The following PDPK1 variants were observed in gnomAD, a reference collection of about 807,000 sequenced individuals.
PDPK1 encodes the protein 3-phosphoinositide-dependent protein kinase 1.
PDPK1 carries 7 observed loss-of-function variants against 39.8 expected under a neutral mutation model. That is an observed-to-expected ratio of 0.18 (90% CI 0.10 to 0.33). The LOEUF is 0.33. PDPK1 is among the 10% of genes least tolerant of loss of function. The pLI is 1.00. For synonymous variants in PDPK1, 118 were observed against 159.1 expected (o/e 0.74, Z 1.95); for missense variants, 182 against 384.7 (o/e 0.47, Z 4.41).
intron 1 of PDPK1, chr16:2,539,148 C>T (rs2066196287): frequency 5.7e-6 from 1 of 174,542 alleles, no homozygotes. Context: ...GATGCGATCT[C>T]AGCTCACTGC....
Position 2,597,296 on chromosome 16 carries a change from T to C in PDPK1, c.1554+21T>C. 3.8e-6 allele frequency: 6 copies of C among 1,564,754 alleles called. No individual in the cohort carries two copies. The highest frequency in any genetic ancestry group is 5.2e-6 in the Non-Finnish European group (6 of 1,145,974). On this transcript the variant is annotated intron_variant, in intron 13 of 13. Transcript: ENST00000342085. This position sits in a 1 kb window ranked among gnomAD's most constrained non-coding sequence, Gnocchi z 6.3. ...ACACGGTGAGTCTGTTCCCAGGGAT[T>C]TCTGTGTGCAGGGTAATGGGAGGGC...
chr16:2,544,624 C>T (rs180841663), intron 1 of PDPK1, among the ~76,000 whole-genome samples: 66 of 152,224 alleles, frequency 4.3e-4, no homozygotes, highest in Non-Finnish European at 7.2e-4. Flanking sequence ...CGCTCTGTCG[C>T]CCAAGTTGGA....
chr16:2,599,326 C>T lies in PDPK1; in HGVS notation c.*1559C>T, dbSNP rs1343665531. On this transcript the variant is annotated 3_prime_UTR_variant, in exon 14 of 14. Coordinates refer to ENST00000342085, the MANE Select transcript of PDPK1 (RefSeq NM_002613.5). ...AAGTCACAGGTGACTCAGCAGTGAC[C>T]CTGTGTGCCAGGCCAGATCCAAACT... The T allele has an allele frequency of 4.3e-6, 1 of 233,154 alleles. No homozygotes were observed. Among genetic ancestry groups the T allele is most frequent in the Non-Finnish European group, 8.5e-6 (1 of 118,038 alleles). The allele number at this position is 233,154 out of a possible 1,614,324, so 14.4% of individuals were successfully genotyped here.
At chr16:2,539,089 T>TC (rs1419847061) in intron 1 of PDPK1, 1 of 215,674 alleles carries the variant, frequency 4.6e-6, no homozygotes, top group African/African-American at 2.4e-5. Flanking sequence ...TTTTTTTTTT[T>TC]TTTTTTTTTG....
intron 1 of PDPK1, among the ~76,000 whole-genome samples, chr16:2,541,685 G>T (rs2066248049): frequency 6.6e-6 from 1 of 152,240 alleles, no homozygotes; most frequent in South Asian, 2.1e-4. Flanking sequence ...TCAAAGGGCA[G>T]TGTGCTGGGA....
intron 1 of PDPK1, chr16:2,538,661 C>G: frequency 7.8e-7 from 1 of 1,288,972 alleles, no homozygotes; most frequent in South Asian, 1.2e-5. Flanking sequence ...TTTCACGGCC[C>G]GGCCAAGGGG....
At chr16:2,552,274 G>C in intron 1 of PDPK1, among the ~76,000 whole-genome samples, 1 of 150,020 alleles carries the variant, frequency 6.7e-6, no homozygotes, top group Non-Finnish European at 1.5e-5. Flanking sequence ...ACCCTGCCTG[G>C]TTTCTACTTC....
intron 11 of PDPK1, among the ~76,000 whole-genome samples, chr16:2,595,062 A>G (rs2067073070): frequency 6.6e-6 from 1 of 152,178 alleles, no homozygotes; most frequent in Non-Finnish European, 1.5e-5. Flanking sequence ...GATTGAGGCT[A>G]CAGTGAGCTA....
chr16:2,596,934 C>T (rs919846749), intron 12 of PDPK1, among the ~76,000 whole-genome samples, 189 bp from the exon 13 acceptor site: 8 of 152,156 alleles, frequency 5.3e-5, no homozygotes, highest in Non-Finnish European at 5.9e-5. Context: ...GAGGCCTGTG[C>T]TGCATCCCCT....
intron 2 of PDPK1, 29 bp downstream of exon 2, chr16:2,557,992 A>G: frequency 6.2e-7 from 1 of 1,609,776 alleles, no homozygotes; most frequent in Admixed American, 1.7e-5. Flanking sequence ...TGTGTGTCAA[A>G]CGTACGTGAT....
Position 2,585,301 on chromosome 16 carries a change from T to C in PDPK1, c.1126-1375T>C, listed in dbSNP as rs368921339. ...TGGCCCATCCTTAGCTCTGCACAGC[T>C]GTGTGGTTTGAAAGCCTTGGAGTGG... On this transcript the variant is annotated intron_variant, in intron 10 of 13. Coordinates refer to ENST00000342085, the MANE Select transcript of PDPK1 (RefSeq NM_002613.5). 7.9e-5 allele frequency among the ~76,000 whole-genome samples: 12 copies of C among 152,316 alleles called. 1 individual carries two copies. In the South Asian group the frequency reaches 2.5e-3, roughly 32 times the overall value.
intron 11 of PDPK1, among the ~76,000 whole-genome samples, chr16:2,590,082 C>T (rs2066957357): frequency 6.6e-6 from 1 of 152,212 alleles, no homozygotes; most frequent in Non-Finnish European, 1.5e-5. Flanking sequence ...CAGCCTGGAC[C>T]TGTCGCTTGG....
intron 1 of PDPK1, among the ~76,000 whole-genome samples, chr16:2,552,263 C>T (rs1046412960): frequency 8.0e-5 from 12 of 150,184 alleles, no homozygotes; most frequent in Non-Finnish European, 1.6e-4. Flanking sequence ...TGAGCCACTG[C>T]ACCCTGCCTG....
At chr16:2,584,293 G>GT (rs1218225759) in intron 10 of PDPK1, among the ~76,000 whole-genome samples, 9 of 112,940 alleles carry the variant, frequency 8.0e-5, no homozygotes, top group Non-Finnish European at 1.5e-4. Flanking sequence ...CATTTTTCTG[G>GT]TTTGACTTCT....
Position 2,593,245 on chromosome 16 carries a change from C to T in PDPK1, c.1344-2548C>T. ...TTTCTTGTGTCACTGAATTCCTCTT[C>T]TGGGAATTTTTAGTTTGTGTCATTT... On this transcript the variant is annotated intron_variant, in intron 11 of 13. Coordinates refer to ENST00000342085, the MANE Select transcript of PDPK1 (RefSeq NM_002613.5). This position sits in a 1 kb window ranked among gnomAD's most constrained non-coding sequence, Gnocchi z 4.2. The T allele has an allele frequency of 2.7e-6, 1 of 364,784 alleles. No individual in the cohort carries two copies. The allele number at this position is 364,784 out of a possible 1,614,324, so 22.6% of individuals were successfully genotyped here. A position where few individuals can be genotyped will look rare whatever the true frequency, so the allele number is the denominator to read the frequency against.
chr16:2,577,293 G>C, intron 6 of PDPK1, 132 bp from the exon 7 acceptor site: 1 of 714,062 alleles, frequency 1.4e-6, no homozygotes, highest in Non-Finnish European at 2.5e-6. Flanking sequence ...GGTGAGCCAT[G>C]AGCCAGCCCC....
intron 1 of PDPK1, among the ~76,000 whole-genome samples, chr16:2,543,982 A>G (rs1301182634): frequency 7.2e-6 from 1 of 138,732 alleles, no homozygotes; most frequent in Non-Finnish European, 1.5e-5. Flanking sequence ...TGATCCGCCC[A>G]CCTCGGCCCC....
chr16:2,594,515 A>C (rs957751431), intron 11 of PDPK1: 2 of 152,354 alleles, frequency 1.3e-5, no homozygotes, highest in Non-Finnish European at 2.9e-5. Context: ...ACACCACTGC[A>C]CTCCAGCCTG....
intron 11 of PDPK1, among the ~76,000 whole-genome samples, chr16:2,590,636 G>GA (rs1258210750): frequency 6.6e-6 from 1 of 152,198 alleles, no homozygotes; most frequent in African/African-American, 2.4e-5. Flanking sequence ...TATTTTTCTT[G>GA]AAAATGATTG....
Sources: allele counts gnomAD v4.1 joint callset (sites outside exome capture counted in the v4.1 genomes callset), GRCh38; gene constraint gnomAD v4.1.1; non-coding constraint Gnocchi (gnomAD v3.1); transcripts MANE v1.5; gene names NCBI Gene and HGNC (gene_info 2026-07-23, HGNC 2026-07-21).